The following PCDH9 variants were observed in gnomAD, a reference collection of about 807,000 sequenced individuals.
PCDH9 encodes protocadherin 9, also known as protocadherin-9.
Under a neutral mutation model 70.6 loss-of-function variants are expected in PCDH9, and 24 were observed. That is an observed-to-expected ratio of 0.34 (90% CI 0.25 to 0.48). PCDH9 has a LOEUF of 0.48. Ranked by LOEUF, PCDH9 falls within the 20% of genes least tolerant of loss-of-function variation. The probability of loss-of-function intolerance (pLI) is 0.99; values close to 1 mark genes in which losing one functional copy is unlikely to be tolerated. For synonymous variants in PCDH9, 562 were observed against 558.5 expected (o/e 1.01, Z -0.09); for missense variants, 1,281 against 1,503.6 (o/e 0.85, Z 2.45).
chr13:66,358,473 A>G (rs1453442844), intron 4 of PCDH9, among the ~76,000 whole-genome samples: 1 of 152,028 alleles, frequency 6.6e-6, no homozygotes, highest in Non-Finnish European at 1.5e-5. Context: ...CAGGTCCTTT[A>G]TAAATTTAAA....
chr13:67,031,110 G>A (rs2084897190), intron 2 of PCDH9, among the ~76,000 whole-genome samples: 1 of 152,120 alleles, frequency 6.6e-6, no homozygotes, highest in Non-Finnish European at 1.5e-5. Context: ...TGAGTTATCT[G>A]TAACTAATTT....
intron 4 of PCDH9, among the ~76,000 whole-genome samples, chr13:66,516,188 T>A (rs533325719): frequency 6.6e-6 from 1 of 152,148 alleles, no homozygotes; most frequent in African/African-American, 2.4e-5. Context: ...TAAAACATGT[T>A]AGGTTTAGAA....
At chr13:67,069,703 G>T (rs1421007776) in intron 2 of PCDH9, among the ~76,000 whole-genome samples, 2 of 151,980 alleles carry the variant, frequency 1.3e-5, no homozygotes, top group Non-Finnish European at 2.9e-5. Context: ...TTTCTTTATG[G>T]TAAAGAAATC....
At chr13:66,517,471 T>C (rs1959792202) in intron 4 of PCDH9, among the ~76,000 whole-genome samples, 2 of 152,148 alleles carry the variant, frequency 1.3e-5, no homozygotes, top group Non-Finnish European at 2.9e-5. Flanking sequence ...ACAGGCATTC[T>C]TAGACATTTC....
At chr13:66,309,945 T>C (rs1428108161) in intron 4 of PCDH9, among the ~76,000 whole-genome samples, 1 of 151,978 alleles carries the variant, frequency 6.6e-6, no homozygotes, top group Non-Finnish European at 1.5e-5. Flanking sequence ...GATTCCAAAC[T>C]ACTTATAAAT....
At chr13:67,062,571 A>G (rs2085559773) in intron 2 of PCDH9, among the ~76,000 whole-genome samples, 1 of 152,156 alleles carries the variant, frequency 6.6e-6, no homozygotes, top group South Asian at 2.1e-4. Context: ...AAGGAAGAAA[A>G]AGAGAATCAT....
At chr13:66,697,751 T>G (rs2078583681) in intron 3 of PCDH9, among the ~76,000 whole-genome samples, 1 of 152,194 alleles carries the variant, frequency 6.6e-6, no homozygotes, top group African/African-American at 2.4e-5. Flanking sequence ...AATGATCATA[T>G]GATCCAGCAA....
chr13:66,917,671 T>C (rs1286876057), intron 2 of PCDH9, among the ~76,000 whole-genome samples: 1 of 151,442 alleles, frequency 6.6e-6, no homozygotes, highest in Non-Finnish European at 1.5e-5. Flanking sequence ...GAATCTGCCA[T>C]AAGTTTTCTT....
At chr13:66,521,394 C>G (rs1035430781) in intron 4 of PCDH9, among the ~76,000 whole-genome samples, 3 of 152,088 alleles carry the variant, frequency 2.0e-5, no homozygotes, top group Non-Finnish European at 4.4e-5. Context: ...CAGAATCTTG[C>G]TCTCTGTCAG....
intron 3 of PCDH9, among the ~76,000 whole-genome samples, chr13:66,810,344 G>A (rs191343151): frequency 6.6e-6 from 1 of 152,024 alleles, no homozygotes; most frequent in East Asian, 1.9e-4. Context: ...AATAGGGAAG[G>A]TTTTGAGCCT....
intron 4 of PCDH9, among the ~76,000 whole-genome samples, chr13:66,426,140 T>C (rs758147214): frequency 6.6e-6 from 1 of 151,350 alleles, no homozygotes; most frequent in Non-Finnish European, 1.5e-5. Flanking sequence ...AGTTATCAAA[T>C]AGGCCAAATG....
chr13:66,724,568 C>G (rs1192455733), intron 3 of PCDH9, among the ~76,000 whole-genome samples: 1 of 152,118 alleles, frequency 6.6e-6, no homozygotes, highest in Non-Finnish European at 1.5e-5. Context: ...AATGATGTCC[C>G]GGAAGCCAAA....
chr13:66,524,773 T>C (rs1960141084), intron 4 of PCDH9, among the ~76,000 whole-genome samples: 1 of 152,122 alleles, frequency 6.6e-6, no homozygotes, highest in Non-Finnish European at 1.5e-5. Context: ...CAAGCCAATA[T>C]GTTGCCGTTT....
intron 4 of PCDH9, among the ~76,000 whole-genome samples, chr13:66,473,217 G>A (rs1033911389): frequency 2.9e-4 from 44 of 152,028 alleles, no homozygotes; most frequent in African/African-American, 9.9e-4. Flanking sequence ...ACAATTTTTA[G>A]GGTGATCTTG....
intron 4 of PCDH9, among the ~76,000 whole-genome samples, chr13:66,610,764 TA>T (rs2077284737): frequency 6.6e-6 from 1 of 152,128 alleles, no homozygotes; most frequent in Admixed American, 6.5e-5. Context: ...TACGTAAAAA[TA>T]TTTTTTTCCT....
intron 2 of PCDH9, among the ~76,000 whole-genome samples, chr13:67,061,249 T>C (rs764505696): frequency 6.6e-6 from 1 of 152,088 alleles, no homozygotes. Context: ...CTTCTGGAGA[T>C]CATACCTTGG....
chr13:66,650,371 G>A (rs1302073399), intron 3 of PCDH9, among the ~76,000 whole-genome samples: 1 of 151,902 alleles, frequency 6.6e-6, no homozygotes, highest in Non-Finnish European at 1.5e-5. Flanking sequence ...AACTCTAAAA[G>A]AGATGCAGAA....
At chr13:67,198,097 T>A (rs1162671841) in intron 2 of PCDH9, among the ~76,000 whole-genome samples, 1 of 151,670 alleles carries the variant, frequency 6.6e-6, no homozygotes, top group Non-Finnish European at 1.5e-5. Flanking sequence ...ACTATAGGGA[T>A]AATACATTTA....
chr13:67,021,752 G>GATACTC, intron 2 of PCDH9, among the ~76,000 whole-genome samples: 4 of 151,916 alleles, frequency 2.6e-5, no homozygotes, highest in Admixed American at 2.6e-4. Context: ...TAGAGACAGG[G>GATACTC]TTTCACCATG....
Sources: gnomAD v4.1 joint callset for allele counts (sites outside exome capture counted in the v4.1 genomes callset) on GRCh38, gnomAD v4.1.1 for gene constraint, MANE v1.5 for transcripts, NCBI Gene and HGNC (gene_info 2026-07-23, HGNC 2026-07-21) for gene names.